Variants in C11orf24 observed in about 807,000 individuals in gnomAD.
The protein encoded by C11orf24 is uncharacterized protein C11orf24.
A neutral mutation model predicts 7.3 loss-of-function variants in C11orf24; 5 were observed. That is an observed-to-expected ratio of 0.69 (90% CI 0.36 to 1.45). The LOEUF (loss-of-function observed/expected upper bound fraction) is 1.45. C11orf24 is among the 40% of genes most tolerant of loss of function. The pLI is 0.03. For missense variants in C11orf24, 566 were observed against 590.5 expected, an observed-to-expected ratio of 0.96 and a Z score of 0.43; for synonymous variants, 233 against 235.7, an observed-to-expected ratio of 0.99 and a Z score of 0.11.
chr11:68,261,731 G>C lies in C11orf24; in HGVS notation c.1264C>G (p.Leu422Val). The change falls in exon 4 of 4, where the codon CTG (leucine) becomes GTG (valine). Residue 422 changes from leucine (L) to valine (V), a missense_variant. Transcript: ENST00000304271. ...TTCTTGTAGCTCTCATAGGCCTGCA[G>C]GGCAAACAAAACCAAGACTGTGATG... ...LFITVLVLFA[L>V]QAYESYKKKD... 6.2e-7 allele frequency: 1 copy of C among 1,614,190 alleles called. No individual in the cohort carries two copies. Among genetic ancestry groups the C allele is most frequent in the Non-Finnish European group, 8.5e-7 (1 of 1,180,046 alleles).
In C11orf24 at chr11:68,261,593, A is replaced by G; in HGVS notation, c.*52T>C. 2.0e-6 allele frequency: 3 copies of G among 1,517,510 alleles called. No homozygotes were observed. The highest frequency in any genetic ancestry group is 2.7e-6 in the Non-Finnish European group (3 of 1,126,650). 94.0% of individuals were successfully genotyped at this position (1,517,510 alleles called of 1,614,324 possible). On this transcript the variant is annotated 3_prime_UTR_variant, in exon 4 of 4. Transcript: ENST00000304271. ...AAGCACTTGGTTTGGTCTCAAAGGCAAAAGGAAAGGACGAGGAAGGGGCCA... is the reference window on the plus strand; with the variant it reads ...AAGCACTTGGTTTGGTCTCAAAGGCGAAAGGAAAGGACGAGGAAGGGGCCA...
rs751694677 is a variant in C11orf24 at position 68,263,684 on chromosome 11, T to C, written c.76+8A>G. ...CCCATCCAGCAGTCACACAGCTTTC[T>C]CACTTACGTGGATCGTTGGATGCCG... On this transcript the variant is annotated splice_region_variant and intron_variant, in intron 3 of 3. Coordinates refer to ENST00000304271, the MANE Select transcript of C11orf24 (RefSeq NM_022338.4). 2.2e-5 allele frequency: 35 copies of C among 1,613,012 alleles called. 1 individual carries two copies. In the Admixed American group the frequency reaches 5.8e-4, roughly 27 times the overall value.
Position 68,261,542 on chromosome 11 carries a change from T to G in C11orf24, c.*103A>C. The G allele has an allele frequency of 1.0e-6, 1 of 972,656 alleles. No homozygotes were observed. 60.3% of individuals were successfully genotyped at this position (972,656 alleles called of 1,614,324 possible). On this transcript the variant is annotated 3_prime_UTR_variant, in exon 4 of 4. Coordinates refer to ENST00000304271, the MANE Select transcript of C11orf24 (RefSeq NM_022338.4). Reference sequence around the variant, plus strand: ...AATGTGTTTAAGCATCTGGCATATCTCCTCAATTGCACCAAAAGAATTTGG... The same window carrying G: ...AATGTGTTTAAGCATCTGGCATATCGCCTCAATTGCACCAAAAGAATTTGG...
chr11:68,265,264 G>A (rs934611229), intron 2 of C11orf24, among the ~76,000 whole-genome samples: 5 of 152,134 alleles, frequency 3.3e-5, no homozygotes, highest in East Asian at 1.9e-4. Context: ...GAGTCCCTCC[G>A]GGGCCTTAGA....
intron 3 of C11orf24, chr11:68,263,409 G>C (rs1163461667): frequency 2.0e-6 from 1 of 501,914 alleles, no homozygotes; most frequent in Non-Finnish European, 3.5e-6. Context: ...ATGTATGAAG[G>C]AATCAATTCC....
At chr11:68,265,520 A>G (rs185921014) in intron 2 of C11orf24, among the ~76,000 whole-genome samples, 41 of 152,238 alleles carry the variant, frequency 2.7e-4, no homozygotes, top group Middle Eastern at 6.8e-3. Flanking sequence ...TATTTTTTTG[A>G]GATGGGTCTC....
At chr11:68,264,295 G>A (rs996777536) in intron 2 of C11orf24, among the ~76,000 whole-genome samples, 16 of 151,874 alleles carry the variant, frequency 1.1e-4, no homozygotes, top group Non-Finnish European at 2.9e-5. Flanking sequence ...AGGTGACTGT[G>A]CCTTTCACAT....
chr11:68,262,116 G>T lies in C11orf24; in HGVS notation c.879C>A (p.Thr293=). The T allele has an allele frequency of 6.2e-7, 1 of 1,614,054 alleles. No individual in the cohort carries two copies. The highest frequency in any genetic ancestry group is 1.1e-5 in the South Asian group (1 of 91,086). Residue 293 remains threonine (T), a synonymous_variant, in exon 4 of 4, where the codon ACC becomes ACA. Transcript: ENST00000304271. ...EPAPTPTVVT[T]TKAQAREPTA... Reference sequence around the variant, plus strand: ...TTGGCTCCCTGGCTTGTGCCTTGGTGGTGGTCACCACTGTGGGGGTGGGGG... The same window carrying T: ...TTGGCTCCCTGGCTTGTGCCTTGGTTGTGGTCACCACTGTGGGGGTGGGGG...
intron 3 of C11orf24, 84 bp from the exon 4 acceptor site, chr11:68,263,002 A>G: frequency 7.3e-7 from 1 of 1,371,532 alleles, no homozygotes; most frequent in Non-Finnish European, 1.0e-6. Context: ...GCTTCCACCC[A>G]GGCCTGTGGG....
Position 68,261,871 on chromosome 11 carries a change from G to A in C11orf24, c.1124C>T (p.Ser375Leu), listed in dbSNP as rs754390773. ...SGGTKMPATD[S>L]CQPSTQGQYM... ...CTGGCCTTGGGTGCTGGGCTGGCAC[G>A]AGTCCGTGGCTGGCATCTTAGTGCC... is the stretch of plus-strand genomic sequence containing the variant. The change falls in exon 4 of 4, where the codon TCG becomes TTG. Residue 375 changes from serine to leucine, a missense_variant. Transcript: ENST00000304271. 15 of 1,613,966 alleles carry A rather than the reference G, an allele frequency of 9.3e-6. No individual in the cohort carries two copies. The highest frequency in any genetic ancestry group is 4.5e-5 in the East Asian group (2 of 44,894).
chr11:68,271,429 CAAGT>C (rs779814749), intron 1 of C11orf24, among the ~76,000 whole-genome samples: 3 of 152,158 alleles, frequency 2.0e-5, no homozygotes, highest in Non-Finnish European at 2.9e-5. Flanking sequence ...CTGTGTCACT[CAAGT>C]AAGAGCGACA....
intron 3 of C11orf24, 90 bp from the exon 4 acceptor site, chr11:68,263,008 G>T: frequency 7.8e-7 from 1 of 1,281,852 alleles, no homozygotes; most frequent in Non-Finnish European, 1.1e-6. Context: ...ACCCAGGCCT[G>T]TGGGGCCCCC....
intron 1 of C11orf24, among the ~76,000 whole-genome samples, chr11:68,270,330 A>G (rs1407664088): frequency 2.6e-5 from 4 of 152,116 alleles, no homozygotes; most frequent in Non-Finnish European, 5.9e-5. Context: ...ACCCCCAACT[A>G]TGCCCCTGGG....
intron 1 of C11orf24, among the ~76,000 whole-genome samples, chr11:68,270,601 A>AAG (rs397825508): frequency 1.3e-5 from 2 of 148,562 alleles, no homozygotes; most frequent in Non-Finnish European, 3.0e-5. Flanking sequence ...AAAAAAAAAA[A>AAG]GGGAAAGAAA....
intron 2 of C11orf24, among the ~76,000 whole-genome samples, chr11:68,265,204 G>A (rs1479088360): frequency 6.6e-6 from 1 of 152,196 alleles, no homozygotes; most frequent in Non-Finnish European, 1.5e-5. Context: ...GAGAGCGTGA[G>A]GAGGCCCCAT....
Position 68,262,499 on chromosome 11 carries a change from G to GT in C11orf24, c.495dup (p.Leu166ThrfsTer75), listed in dbSNP as rs1052658061. ...GTGGAAGTGGACGTGGGCGCGGGGA[G>GT]TGCAAGTGTCATGGGAGTGCTGGAG... On this transcript the variant is annotated frameshift_variant, in exon 4 of 4. Coordinates refer to ENST00000304271, the MANE Select transcript of C11orf24 (RefSeq NM_022338.4). LOFTEE classifies it low-confidence loss of function (END_TRUNC). 4 of 1,613,988 alleles carry GT rather than the reference G, an allele frequency of 2.5e-6. No individual in the cohort carries two copies. In the African/African-American group the frequency reaches 4.0e-5, roughly 16 times the overall value.
At position 68,261,875 on chromosome 11, in the gene C11orf24, C is replaced by T. The variant is rs1190988762; in HGVS notation, c.1120G>A (p.Asp374Asn). ...SSGGTKMPAT[D>N]SCQPSTQGQY... ...CCTTGGGTGCTGGGCTGGCACGAGT[C>T]CGTGGCTGGCATCTTAGTGCCCCCT... The change falls in exon 4 of 4, where the codon GAC (aspartate) becomes AAC (asparagine). Residue 374 changes from aspartate to asparagine, a missense_variant. Physicochemically the swap from Asp to Asn is conservative, Grantham distance 23. Coordinates refer to ENST00000304271, the MANE Select transcript of C11orf24 (RefSeq NM_022338.4). 6 of 1,613,980 alleles carry T rather than the reference C, an allele frequency of 3.7e-6. No individual in the cohort carries two copies. In the Admixed American group the frequency reaches 1.0e-4, roughly 27 times the overall value.
chr11:68,271,267 C>G (rs1408964093), intron 1 of C11orf24, among the ~76,000 whole-genome samples: 2 of 152,170 alleles, frequency 1.3e-5, no homozygotes, highest in Non-Finnish European at 2.9e-5. Context: ...CTCCTATCAG[C>G]CTAACGATTA....
At chr11:68,264,685 T>TGTCCATCCATCCACCCACCCATGC (rs1565291154) in intron 2 of C11orf24, among the ~76,000 whole-genome samples, 1 of 116,258 alleles carries the variant, frequency 8.6e-6, no homozygotes, top group Non-Finnish European at 1.8e-5. Flanking sequence ...TCTGTTCATC[T>TGTCCATCCATCCACCCACCCATGC]ATCCATCCAT....
Sources: gnomAD v4.1 joint callset for allele counts (sites outside exome capture counted in the v4.1 genomes callset) on GRCh38, gnomAD v4.1.1 for gene constraint, MANE v1.5 for transcripts, NCBI Gene and HGNC (gene_info 2026-07-23, HGNC 2026-07-21) for gene names.